Variants in BCR observed in about 807,000 individuals in gnomAD.
BCR encodes the protein BCR activator of RhoGEF and GTPase, also known as breakpoint cluster region protein.
A neutral mutation model predicts 138.6 loss-of-function variants in BCR; 58 were observed. That is an observed-to-expected ratio of 0.42 (90% CI 0.34 to 0.52). BCR has a LOEUF of 0.52. Ranked by LOEUF, BCR falls within the 20% of genes least tolerant of loss-of-function variation. BCR has a pLI of 0.06. For synonymous variants in BCR, 786 were observed against 730.1 expected, an observed-to-expected ratio of 1.08 and a Z score of -1.23; for missense variants, 1,599 against 1,727.2, an observed-to-expected ratio of 0.93 and a Z score of 1.32.
chr22:23,223,849 T>C (rs2072858127), intron 1 of BCR, among the ~76,000 whole-genome samples: 9 of 151,890 alleles, frequency 5.9e-5, no homozygotes, highest in Admixed American at 5.9e-4. Context: ...GGGAACACTT[T>C]GCTGACCTTT....
At position 23,298,524 on chromosome 22, in the gene BCR, C is replaced by CCCTT. The variant is rs1031571240; in HGVS notation, c.3012+3380_3012+3383dup. On this transcript the variant is annotated intron_variant, in intron 16 of 22. Coordinates refer to ENST00000305877, the MANE Select transcript of BCR (RefSeq NM_004327.4). ...CAAATGTGTTTCCTCACTTTTCCTTCCCTTCCTTCCTTCCCTTCCTTCCCT... is the reference window on the plus strand; with the variant it reads ...CAAATGTGTTTCCTCACTTTTCCTTCCCTTCCTTCCTTCCTTCCCTTCCTTCCCT... Among the ~76,000 whole-genome samples the CCCTT allele has an allele frequency of 2.7e-5, 4 of 148,724 alleles. No homozygotes were observed. The South Asian group carries it at 8.5e-4, about 32-fold the overall frequency.
At chr22:23,273,416 T>C (rs1379196359) in intron 7 of BCR, among the ~76,000 whole-genome samples, 1 of 152,206 alleles carries the variant, frequency 6.6e-6, no homozygotes, top group East Asian at 1.9e-4. Flanking sequence ...GCCATGTGCA[T>C]GCAGCGTGAG....
At position 23,181,644 on chromosome 22, in the gene BCR, G is replaced by A. The variant is rs372574844; in HGVS notation, c.684G>A (p.Arg228=). 15 of 1,609,540 alleles carry A rather than the reference G, an allele frequency of 9.3e-6. No homozygotes were observed. In the African/African-American group the frequency reaches 2.0e-4, roughly 21 times the overall value. The stretch of plus-strand genomic sequence containing the variant: ...GCTCGAGCGTGGGGGATGCATCCAG[G>A]CCCCCTTACCGGGGACGCTCCTCGG... The part of the protein sequence containing the change: ...GAGSSVGDAS[R]PPYRGRSSES... The change falls in exon 1 of 23, where the codon AGG becomes AGA. Residue 228 remains arginine, a synonymous_variant. Coordinates refer to ENST00000305877, the MANE Select transcript of BCR (RefSeq NM_004327.4).
intron 1 of BCR, among the ~76,000 whole-genome samples, chr22:23,214,252 T>C (rs2072723071): frequency 6.6e-6 from 1 of 152,002 alleles, no homozygotes; most frequent in African/African-American, 2.4e-5. Context: ...GGAAGCTGTC[T>C]TTTTCCATCA....
chr22:23,225,732 T>C (rs1602035042), intron 1 of BCR, among the ~76,000 whole-genome samples: 1 of 152,226 alleles, frequency 6.6e-6, no homozygotes, highest in African/African-American at 2.4e-5. Flanking sequence ...CAGGTCCCTG[T>C]GCTTCTCCTG....
intron 1 of BCR, among the ~76,000 whole-genome samples, chr22:23,247,588 T>C (rs954956763): frequency 6.6e-6 from 1 of 152,088 alleles, no homozygotes; most frequent in African/African-American, 2.4e-5. Context: ...AGGGGCTGGG[T>C]TCCTGGAACC....
At chr22:23,196,762 T>C (rs2146205441) in intron 1 of BCR, among the ~76,000 whole-genome samples, 1 of 152,270 alleles carries the variant, frequency 6.6e-6, no homozygotes, top group Non-Finnish European at 1.5e-5. Flanking sequence ...TATGAGAATC[T>C]AATACTGCTG....
At position 23,253,978 on chromosome 22, in the gene BCR, G is replaced by A; in HGVS notation, c.1459G>A (p.Ala487Thr). 1 of 1,611,362 alleles carries A rather than the reference G, an allele frequency of 6.2e-7. No homozygotes were observed. The change falls in exon 2 of 23, where the codon GCG becomes ACG. Residue 487 changes from alanine to threonine, a missense_variant and splice_region_variant. Coordinates refer to ENST00000305877, the MANE Select transcript of BCR (RefSeq NM_004327.4). ...CTCGGGAGCCCTGGAGTCCACTAAA[G>A]CGGTGAGTCCCCATGGTGTACGTGT... is the stretch of plus-strand genomic sequence containing the variant. ...LVSGALESTK[A>T]SELDLEKGLE...
chr22:23,296,821 C>G (rs1040555694), intron 16 of BCR, among the ~76,000 whole-genome samples: 1 of 152,222 alleles, frequency 6.6e-6, no homozygotes, highest in African/African-American at 2.4e-5. Context: ...CTGTCGCTGT[C>G]CCACTGCACT....
At chr22:23,305,485 C>G (rs554652307) in intron 16 of BCR, among the ~76,000 whole-genome samples, 18 of 152,346 alleles carry the variant, frequency 1.2e-4, no homozygotes, top group Admixed American at 2.0e-4. Context: ...GCCACACTGA[C>G]TACAAAGCAA....
At chr22:23,252,308 A>G (rs1016331440) in intron 1 of BCR, among the ~76,000 whole-genome samples, 1 of 152,006 alleles carries the variant, frequency 6.6e-6, no homozygotes, top group Non-Finnish European at 1.5e-5. Flanking sequence ...CCCAGCCAGC[A>G]TGCTGGCCTG....
chr22:23,218,042 A>G (rs1037759353), intron 1 of BCR, among the ~76,000 whole-genome samples: 1 of 152,230 alleles, frequency 6.6e-6, no homozygotes. Context: ...TCGGGCCTGC[A>G]GTAACCCTAC....
At position 23,180,581 on chromosome 22, in the gene BCR, GCGGCGGCGGCA is replaced by G. The variant is rs1400493119; in HGVS notation, c.-369_-359del. ...CTTAGCGTCCGAGGAGGCGGCGGCG[GCGGCGGCGGCA>G]CGGCGGCGGCGGGGCTGTGGGGCGG... On this transcript the variant is annotated 5_prime_UTR_variant, in exon 1 of 23. Coordinates refer to ENST00000305877, the MANE Select transcript of BCR (RefSeq NM_004327.4). 0.041 allele frequency: 1,666 copies of G among 40,280 alleles called. 21 individuals carry two copies. The highest frequency in any genetic ancestry group is 0.2 in the African/African-American group (233 of 1,140). 2.5% of individuals were successfully genotyped at this position (40,280 alleles called of 1,614,324 possible).
chr22:23,290,597 C>T, intron 14 of BCR, 184 bp downstream of exon 14: 1 of 630,284 alleles, frequency 1.6e-6, no homozygotes, highest in Non-Finnish European at 2.8e-6. Flanking sequence ...ATTGTTTTTC[C>T]CGGAGTGGCC....
At chr22:23,243,550 C>G (rs1021313710) in intron 1 of BCR, among the ~76,000 whole-genome samples, 29 of 152,158 alleles carry the variant, frequency 1.9e-4, no homozygotes, top group Non-Finnish European at 1.0e-4. Context: ...CCCTGTTACC[C>G]AGCCCTCTTC....
At chr22:23,246,995 T>C (rs2073164735) in intron 1 of BCR, among the ~76,000 whole-genome samples, 1 of 152,016 alleles carries the variant, frequency 6.6e-6, no homozygotes, top group African/African-American at 2.4e-5. Context: ...CAGAGCCAGC[T>C]CCGACTGTGG....
At chr22:23,240,940 G>GT (rs2073083340) in intron 1 of BCR, among the ~76,000 whole-genome samples, 1 of 152,134 alleles carries the variant, frequency 6.6e-6, no homozygotes, top group Non-Finnish European at 1.5e-5. Flanking sequence ...GTATTTGTTT[G>GT]TTTGTGCCTG....
chr22:23,295,501 C>T (rs913642530), intron 16 of BCR, among the ~76,000 whole-genome samples: 1 of 152,138 alleles, frequency 6.6e-6, no homozygotes, highest in Non-Finnish European at 1.5e-5. Flanking sequence ...CCATCCTGTG[C>T]CAGTCTTCTT....
intron 1 of BCR, among the ~76,000 whole-genome samples, chr22:23,214,210 T>G (rs540919260): frequency 5.6e-4 from 85 of 152,124 alleles, no homozygotes; most frequent in South Asian, 2.7e-3. Flanking sequence ...TGGTTTGTTT[T>G]TTTTTTTTTG....
Sources: gnomAD v4.1 joint callset for allele counts (sites outside exome capture counted in the v4.1 genomes callset) on GRCh38, gnomAD v4.1.1 for gene constraint, MANE v1.5 for transcripts, NCBI Gene and HGNC (gene_info 2026-07-23, HGNC 2026-07-21) for gene names.